ZNF462: variants seen among roughly 807,000 people sequenced by gnomAD.
The protein encoded by ZNF462 is zinc finger PBX1-interacting protein.
Under a neutral mutation model 201.9 loss-of-function variants are expected in ZNF462, and 10 were observed. That is an observed-to-expected ratio of 0.05 (90% CI 0.03 to 0.08). The LOEUF (loss-of-function observed/expected upper bound fraction) is 0.08, where lower values mean the gene tolerates loss of function less well. Ranked by LOEUF, ZNF462 falls within the 10% of genes least tolerant of loss-of-function variation. The pLI is 1.00. For missense variants in ZNF462, 2,523 were observed against 3,168.3 expected, an observed-to-expected ratio of 0.80 and a Z score of 4.89; for synonymous variants, 1,227 against 1,193.3, an observed-to-expected ratio of 1.03 and a Z score of -0.58.
intron 7 of ZNF462, among the ~76,000 whole-genome samples, chr9:106,941,213 T>C (rs1830854796): frequency 6.6e-6 from 1 of 152,234 alleles, no homozygotes; most frequent in Non-Finnish European, 1.5e-5. Flanking sequence ...CTGTACTCTC[T>C]TCTGAGGGCT....
At position 106,890,998 on chromosome 9, in the gene ZNF462, A is replaced by G. The variant is rs965322987; in HGVS notation, c.-31+27643A>G. On this transcript the variant is annotated intron_variant, in intron 1 of 12. Coordinates refer to ENST00000277225, the MANE Select transcript of ZNF462 (RefSeq NM_021224.6). The surrounding 1 kb of genome is among the most constrained non-coding windows in gnomAD (Gnocchi z 4.2). ...TCTTTTTTGGAAAAATCGTATGGCT[A>G]GTACAGGAAATCAAGGAGATTTTTA... Among the ~76,000 whole-genome samples, 31 of 152,202 alleles carry G rather than the reference A, an allele frequency of 2.0e-4. No homozygotes were observed. Among genetic ancestry groups the G allele is most frequent in the Non-Finnish European group, 2.9e-4 (20 of 68,034 alleles).
rs1158993521 is a variant in ZNF462 at position 106,977,796 on chromosome 9, C to T, written c.6832+3523C>T. On this transcript the variant is annotated intron_variant, in intron 9 of 12. Transcript: ENST00000277225. This position sits in a 1 kb window ranked among gnomAD's most constrained non-coding sequence, Gnocchi z 4.6. ...TTCAACAGGCAGAGAAGACTTAAGG[C>T]AGGGCATATTAGTTTGCAAGGACTA... Among the ~76,000 whole-genome samples the T allele has an allele frequency of 6.6e-6, 1 of 151,514 alleles. No homozygotes were observed. The highest frequency in any genetic ancestry group is 2.5e-5 in the African/African-American group (1 of 40,800).
chr9:106,885,231 A>G lies in ZNF462; in HGVS notation c.-31+21876A>G, dbSNP rs1195975568. On this transcript the variant is annotated intron_variant, in intron 1 of 12. Coordinates refer to ENST00000277225, the MANE Select transcript of ZNF462 (RefSeq NM_021224.6). This position sits in a 1 kb window ranked among gnomAD's most constrained non-coding sequence, Gnocchi z 4.1. ...TACTACCATTAAACTCTCCATATAC[A>G]TTAAAGGAAGTGCCTCTAGAATAAA... Among the ~76,000 whole-genome samples, 2 of 152,236 alleles carry G rather than the reference A, an allele frequency of 1.3e-5. No individual in the cohort carries two copies. Among genetic ancestry groups the G allele is most frequent in the Admixed American group, 6.5e-5 (1 of 15,290 alleles).
chr9:107,003,256 CG>C lies in ZNF462; in HGVS notation c.7057-36del. ...ATCAGGGAGAACCCCATTTGGTCTG[CG>C]GTTTATTATTCCATCATTTGTTTGG... On this transcript the variant is annotated intron_variant, in intron 10 of 12. Coordinates refer to ENST00000277225, the MANE Select transcript of ZNF462 (RefSeq NM_021224.6). The surrounding 1 kb of genome is among the most constrained non-coding windows in gnomAD (Gnocchi z 4.4). The C allele has an allele frequency of 6.2e-7, 1 of 1,610,218 alleles. No individual in the cohort carries two copies. The highest frequency in any genetic ancestry group is 8.5e-7 in the Non-Finnish European group (1 of 1,178,126).
chr9:106,866,677 T>A (rs747007983), intron 1 of ZNF462, among the ~76,000 whole-genome samples: 3 of 152,224 alleles, frequency 2.0e-5, no homozygotes, highest in Non-Finnish European at 2.9e-5. Flanking sequence ...TTGAACATTA[T>A]CTTTTGATAC....
chr9:106,914,187 C>G (rs1462934099), intron 1 of ZNF462, among the ~76,000 whole-genome samples: 2 of 142,272 alleles, frequency 1.4e-5, no homozygotes, highest in African/African-American at 4.9e-5. Flanking sequence ...GTTGTTGACC[C>G]TCTAAGGATC....
rs962253808 is a variant in ZNF462 at position 107,012,439 on chromosome 9, C to CT, written c.*1434dup. ...GCCTGGAGAACTACTTTCTTTCTTTCTTTTTTTTTTTTTTTTTTTTTTTTT... is the reference window on the plus strand; with the variant it reads ...GCCTGGAGAACTACTTTCTTTCTTTCTTTTTTTTTTTTTTTTTTTTTTTTTT... On this transcript the variant is annotated 3_prime_UTR_variant, in exon 13 of 13. Coordinates refer to ENST00000277225, the MANE Select transcript of ZNF462 (RefSeq NM_021224.6). 32,092 of 86,892 alleles carry CT rather than the reference C, an allele frequency of 0.37. 5,038 individuals carry two copies. Among genetic ancestry groups the CT allele is most frequent in the East Asian group, 0.48 (1,231 of 2,572 alleles). 5.4% of individuals were successfully genotyped at this position (86,892 alleles called of 1,614,324 possible).
chr9:106,915,033 G>A (rs866710198), intron 1 of ZNF462, among the ~76,000 whole-genome samples: 9 of 152,172 alleles, frequency 5.9e-5, no homozygotes, highest in South Asian at 2.1e-4. Context: ...CAAAAAGGTT[G>A]AACGTCATGA....
At position 106,926,344 on chromosome 9, in the gene ZNF462, A is replaced by G. The variant is rs1245468171; in HGVS notation, c.2432A>G (p.Gln811Arg). The change falls in exon 3 of 13, where the codon CAA becomes CGA. Residue 811 changes from glutamine to arginine, a missense_variant. Gln to Arg is a conservative substitution (Grantham distance 43). Coordinates refer to ENST00000277225, the MANE Select transcript of ZNF462 (RefSeq NM_021224.6). This position sits in a 1 kb window ranked among gnomAD's most constrained non-coding sequence, Gnocchi z 7.9. Reference protein sequence around the residue: ...YGSSTNLKDHQVSNTALLNTQ... With the variant: ...YGSSTNLKDHRVSNTALLNTQ... The stretch of plus-strand genomic sequence containing the variant: ...TCCTCAACAAACTTGAAAGATCACC[A>G]AGTTTCCAATACTGCTCTGCTGAAT... 6 of 1,614,040 alleles carry G rather than the reference A, an allele frequency of 3.7e-6. No individual in the cohort carries two copies. In the African/African-American group the frequency reaches 6.7e-5, roughly 18 times the overall value.
Position 106,978,343 on chromosome 9 carries a change from G to A in ZNF462, c.6832+4070G>A, listed in dbSNP as rs1036129782. 1.3e-5 allele frequency among the ~76,000 whole-genome samples: 2 copies of A among 151,646 alleles called. No individual in the cohort carries two copies. The highest frequency in any genetic ancestry group is 2.9e-5 in the Non-Finnish European group (2 of 68,026). On this transcript the variant is annotated intron_variant, in intron 9 of 12. Transcript: ENST00000277225. The surrounding 1 kb of genome is among the most constrained non-coding windows in gnomAD (Gnocchi z 4.1). ...TCCGGGGTCCTGAAGAGAATAGGAAGCATACCAGAGAAGTATGTTCTGGCC... is the reference window on the plus strand; with the variant it reads ...TCCGGGGTCCTGAAGAGAATAGGAAACATACCAGAGAAGTATGTTCTGGCC...
At chr9:106,861,675 G>A (rs1415205805), upstream of ZNF462, among the ~76,000 whole-genome samples, 4 of 152,116 alleles carry the variant, frequency 2.6e-5, no homozygotes, top group Admixed American at 6.6e-5. Context: ...TTTTGATACT[G>A]TAGAACCCCC....
At chr9:106,889,226 C>A (rs1252480789) in intron 1 of ZNF462, among the ~76,000 whole-genome samples, 1 of 152,158 alleles carries the variant, frequency 6.6e-6, no homozygotes, top group Non-Finnish European at 1.5e-5. Flanking sequence ...TATGTACACA[C>A]CCTTCCTCCC....
intron 7 of ZNF462, among the ~76,000 whole-genome samples, chr9:106,965,310 C>CT (rs1441418482): frequency 6.6e-6 from 1 of 151,916 alleles, no homozygotes; most frequent in Admixed American, 6.6e-5. Flanking sequence ...GACTGAAGAG[C>CT]TTTACTCTTG....
At chr9:106,881,992 T>C (rs1209488416) in intron 1 of ZNF462, among the ~76,000 whole-genome samples, 1 of 152,226 alleles carries the variant, frequency 6.6e-6, no homozygotes, top group Non-Finnish European at 1.5e-5. Context: ...ATGTAAGCTA[T>C]TTGATTATCT....
chr9:106,929,096 C>T lies in ZNF462; in HGVS notation c.5184C>T (p.His1728=). Reference sequence around the variant, plus strand: ...ACGACATTGATGCGTATTACACTCACTGCTTGGCAGCCTCCAGGACCATCA... The same window carrying T: ...ACGACATTGATGCGTATTACACTCATTGCTTGGCAGCCTCCAGGACCATCA... ...KRHDIDAYYT[H]CLAASRTISD... The change falls in exon 3 of 13, where the codon CAC becomes CAT. Residue 1728 remains histidine (H), a synonymous_variant. Coordinates refer to ENST00000277225, the MANE Select transcript of ZNF462 (RefSeq NM_021224.6). This position sits in a 1 kb window ranked among gnomAD's most constrained non-coding sequence, Gnocchi z 8.7. The T allele has an allele frequency of 6.2e-7, 1 of 1,614,176 alleles. No individual in the cohort carries two copies. Among genetic ancestry groups the T allele is most frequent in the Non-Finnish European group, 8.5e-7 (1 of 1,180,030 alleles).
intron 7 of ZNF462, among the ~76,000 whole-genome samples, chr9:106,961,580 T>G (rs1191577998): frequency 6.6e-6 from 1 of 152,000 alleles, no homozygotes; most frequent in East Asian, 1.9e-4. Flanking sequence ...AGCACTTGCT[T>G]TAGGCCAGCC....
rs1260165480 is a variant in ZNF462 at position 106,925,441 on chromosome 9, C to T, written c.1529C>T (p.Ser510Phe). 6.2e-7 allele frequency: 1 copy of T among 1,614,202 alleles called. No homozygotes were observed. Among genetic ancestry groups the T allele is most frequent in the East Asian group, 2.2e-5 (1 of 44,888 alleles). Residue 510 changes from serine to phenylalanine, a missense_variant, in exon 3 of 13, where the codon TCT becomes TTT. By Grantham distance (155) the Ser-to-Phe change is radical (BLOSUM62 -2). This residue lies in a region of ZNF462 where 383 missense variants were observed against 453.4 expected (regional missense o/e 0.84). Coordinates refer to ENST00000277225, the MANE Select transcript of ZNF462 (RefSeq NM_021224.6). This position sits in a 1 kb window ranked among gnomAD's most constrained non-coding sequence, Gnocchi z 7.9. ...GTGAATTCCCAGAGTGAAAGCATTT[C>T]TTCCTCACTGAATGAAGGTGTGGTG... ...DAVNSQSESI[S>F]SSLNEGVVSY...
At chr9:106,897,085 C>G (rs1287230802) in intron 1 of ZNF462, among the ~76,000 whole-genome samples, 2 of 152,116 alleles carry the variant, frequency 1.3e-5, no homozygotes, top group Admixed American at 6.5e-5. Context: ...AACCCACATA[C>G]TAATAAAAAT....
chr9:106,931,040 G>T, intron 4 of ZNF462: 1 of 224,558 alleles, frequency 4.5e-6, no homozygotes, highest in Non-Finnish European at 9.1e-6. Context: ...GGAATCAAGT[G>T]GGTTCTGTTC....
Sources: allele counts gnomAD v4.1 joint callset (sites outside exome capture counted in the v4.1 genomes callset), GRCh38; gene constraint gnomAD v4.1.1; regional missense constraint gnomAD v4.1.1; non-coding constraint Gnocchi (gnomAD v3.1); transcripts MANE v1.5; gene names NCBI Gene and HGNC (gene_info 2026-07-23, HGNC 2026-07-21).